Variants in THRAP3 observed in about 807,000 individuals in gnomAD.
THRAP3 encodes thyroid hormone receptor associated protein 3, also known as thyroid hormone receptor-associated protein 3.
A neutral mutation model predicts 101.0 loss-of-function variants in THRAP3; 16 were observed. The ratio of observed to expected loss-of-function variants is 0.16; its 90% CI spans 0.11 to 0.24. The LOEUF is 0.24. Ranked by LOEUF, THRAP3 falls within the 10% of genes least tolerant of loss-of-function variation. THRAP3 has a pLI of 1.00. For missense variants in THRAP3, 989 were observed against 1,202.7 expected (o/e 0.82, Z 2.63); for synonymous variants, 407 against 422.6 (o/e 0.96, Z 0.45).
At chr1:36,258,653 G>A (rs1645405952) in intron 1 of THRAP3, among the ~76,000 whole-genome samples, 1 of 152,064 alleles carries the variant, frequency 6.6e-6, no homozygotes, top group African/African-American at 2.4e-5. Context: ...TTTTGTTTTT[G>A]TATTTTTACT....
chr1:36,231,433 C>T (rs1240559966), intron 1 of THRAP3, among the ~76,000 whole-genome samples: 2 of 152,206 alleles, frequency 1.3e-5, no homozygotes, highest in African/African-American at 4.8e-5. Flanking sequence ...CACTGCATAG[C>T]TTGGCCTGTC....
chr1:36,294,650 T>C (rs991762160), intron 8 of THRAP3, among the ~76,000 whole-genome samples: 4 of 152,220 alleles, frequency 2.6e-5, no homozygotes, highest in Admixed American at 2.6e-4. Context: ...ATACTTGTTT[T>C]GTTGGTTGAA....
chr1:36,219,278 G>A, the THRAP3 span, among the ~76,000 whole-genome samples: 3 of 152,158 alleles, frequency 2.0e-5, no homozygotes, highest in Non-Finnish European at 4.4e-5. Flanking sequence ...AGTTTGGTTC[G>A]TGAGGTTTAA....
chr1:36,218,343 G>A, the THRAP3 span, among the ~76,000 whole-genome samples: 4 of 141,304 alleles, frequency 2.8e-5, no homozygotes, highest in Non-Finnish European at 6.0e-5. Flanking sequence ...AGTGAGCAGA[G>A]ATTGCATCAC....
At position 36,280,935 on chromosome 1, in the gene THRAP3, T is replaced by A. The variant is rs188889496; in HGVS notation, c.-31-1598T>A. Among the ~76,000 whole-genome samples, 1,261 of 151,946 alleles carry A rather than the reference T, an allele frequency of 8.3e-3. 11 individuals are homozygous for A. The highest frequency in any genetic ancestry group is 0.028 in the African/African-American group (1,156 of 41,486). On this transcript the variant is annotated intron_variant, in intron 2 of 11. Transcript: ENST00000354618. Reference sequence around the variant, plus strand: ...GTTGACTCTTTATTTTTATTTATTTTTTTTTTTGAGACGGAGTTTTGCTCT... The same window carrying A: ...GTTGACTCTTTATTTTTATTTATTTATTTTTTTGAGACGGAGTTTTGCTCT...
chr1:36,267,150 C>T (rs1280012227), intron 2 of THRAP3, among the ~76,000 whole-genome samples: 1 of 152,076 alleles, frequency 6.6e-6, no homozygotes, highest in Non-Finnish European at 1.5e-5. Context: ...TCCCAAAGTG[C>T]TGGTATTACA....
rs574230223 is a variant in THRAP3, at chr1:36,245,327, C to T, written c.-134-14055C>T. 4.3e-4 allele frequency among the ~76,000 whole-genome samples: 65 copies of T among 151,842 alleles called. 1 individual carries two copies. Among genetic ancestry groups the T allele is most frequent in the South Asian group, 3.8e-3 (18 of 4,790 alleles). ...GATTACAGGCCTGCGCCATCACACC[C>T]GGCTAATTTTTTTGTATTTTTAGTA... On this transcript the variant is annotated intron_variant, in intron 1 of 11. Coordinates refer to ENST00000354618, the MANE Select transcript of THRAP3 (RefSeq NM_005119.4).
intron 3 of THRAP3, among the ~76,000 whole-genome samples, chr1:36,283,337 C>G (rs1041277030): frequency 2.0e-5 from 3 of 152,172 alleles, no homozygotes; most frequent in Non-Finnish European, 4.4e-5. Flanking sequence ...GTGGATTTCC[C>G]TATTTTAATT....
intron 1 of THRAP3, among the ~76,000 whole-genome samples, chr1:36,256,191 T>G (rs996316269): frequency 5.4e-5 from 6 of 110,760 alleles, no homozygotes; most frequent in South Asian, 7.1e-4. Context: ...CTGCCTGGAT[T>G]ATTATTATTA....
chr1:36,244,961 C>G (rs1246432773), intron 1 of THRAP3, among the ~76,000 whole-genome samples: 1 of 151,640 alleles, frequency 6.6e-6, no homozygotes, highest in Non-Finnish European at 1.5e-5. Context: ...ACCTCGTGAT[C>G]CACCCGCCTC....
At chr1:36,208,778 C>T in the THRAP3 span, among the ~76,000 whole-genome samples, 3 of 151,990 alleles carry the variant, frequency 2.0e-5, no homozygotes, top group South Asian at 2.1e-4. Context: ...CCAATTCTCC[C>T]GCCTCAGCCT....
At chr1:36,254,802 T>A (rs1570272332) in intron 1 of THRAP3, among the ~76,000 whole-genome samples, 2 of 152,338 alleles carry the variant, frequency 1.3e-5, no homozygotes, top group South Asian at 4.1e-4. Context: ...AAAAATTTTT[T>A]AAAACAGAAA....
Position 36,271,755 on chromosome 1 carries a change from G to A in THRAP3, c.-31-10778G>A, listed in dbSNP as rs963820633. On this transcript the variant is annotated intron_variant, in intron 2 of 11. Coordinates refer to ENST00000354618, the MANE Select transcript of THRAP3 (RefSeq NM_005119.4). ...ATCACAGACGCATACCACCACACCCGGCTAATTTTTGTATTTTTAGTAGAG... is the reference window on the plus strand; with the variant it reads ...ATCACAGACGCATACCACCACACCCAGCTAATTTTTGTATTTTTAGTAGAG... Among the ~76,000 whole-genome samples the A allele has an allele frequency of 2.2e-4, 33 of 151,874 alleles. 1 individual carries two copies. In the Middle Eastern group the frequency reaches 0.014, roughly 63 times the overall value.
At chr1:36,210,279 T>C in the THRAP3 span, among the ~76,000 whole-genome samples, 1 of 145,938 alleles carries the variant, frequency 6.9e-6, no homozygotes, top group Non-Finnish European at 1.5e-5. Flanking sequence ...GGCAGGAGAA[T>C]CACTTGAACC....
chr1:36,229,403 TTTTTTTTTG>T (rs1463006573), intron 1 of THRAP3, among the ~76,000 whole-genome samples: 2 of 18,896 alleles, frequency 1.1e-4, no homozygotes, highest in Admixed American at 8.6e-4. Flanking sequence ...GTCTACAGTT[TTTTTTTTTG>T]TTTTTTTTTT....
At chr1:36,298,227 A>G (rs1185422545) in intron 9 of THRAP3, among the ~76,000 whole-genome samples, 2 of 151,610 alleles carry the variant, frequency 1.3e-5, no homozygotes, top group Admixed American at 1.3e-4. Context: ...TCCCATTCCA[A>G]TGTGTTACTT....
At chr1:36,261,147 A>T (rs1645440480) in intron 2 of THRAP3, among the ~76,000 whole-genome samples, 1 of 151,990 alleles carries the variant, frequency 6.6e-6, no homozygotes, top group Admixed American at 6.6e-5. Context: ...CCTGTAAGCG[A>T]AGCACTTTGG....
At chr1:36,226,202 G>A (rs1016701013) in intron 1 of THRAP3, among the ~76,000 whole-genome samples, 1 of 152,146 alleles carries the variant, frequency 6.6e-6, no homozygotes, top group African/African-American at 2.4e-5. Flanking sequence ...ATATTTCTGA[G>A]ATTAGCACAG....
chr1:36,235,389 A>G (rs1261003118), intron 1 of THRAP3, among the ~76,000 whole-genome samples: 1 of 152,168 alleles, frequency 6.6e-6, no homozygotes, highest in Non-Finnish European at 1.5e-5. Flanking sequence ...AGAACCCTCA[A>G]CCCCACAGCA....
Sources: gnomAD v4.1 joint callset for allele counts (sites outside exome capture counted in the v4.1 genomes callset) on GRCh38, gnomAD v4.1.1 for gene constraint, MANE v1.5 for transcripts, NCBI Gene and HGNC (gene_info 2026-07-23, HGNC 2026-07-21) for gene names.